NME8: variants seen among roughly 807,000 people sequenced by gnomAD.
NME8 encodes protein NME8.
In NME8, 72 loss-of-function variants were observed where a neutral mutation model predicts 82.3. The observed-to-expected ratio is 0.87, with a 90% CI of 0.72 to 1.06. NME8 has a LOEUF of 1.06. Among genes scored for constraint, NME8 ranks in the 50% least tolerant of loss-of-function variants. The probability of loss-of-function intolerance (pLI) is 0.00; values close to 1 mark genes in which losing one functional copy is unlikely to be tolerated. For synonymous variants in NME8, 267 were observed against 228.5 expected (o/e 1.17, Z -1.52); for missense variants, 712 against 685.4 (o/e 1.04, Z -0.43).
At chr7:37,880,480 G>A (rs1784926953) in intron 12 of NME8, among the ~76,000 whole-genome samples, 1 of 152,138 alleles carries the variant, frequency 6.6e-6, no homozygotes, top group Non-Finnish European at 1.5e-5. Context: ...TATTGCCTTT[G>A]CAACTTTATC....
At chr7:37,853,658 T>C (rs1027061882) in intron 5 of NME8, among the ~76,000 whole-genome samples, 1 of 152,052 alleles carries the variant, frequency 6.6e-6, no homozygotes, top group African/African-American at 2.4e-5. Context: ...GAAAATTATA[T>C]CTCCAAACCT....
Position 37,884,267 on chromosome 7 carries a change from C to G in NME8, c.995-36C>G, listed in dbSNP as rs760106082. 4 of 1,358,658 alleles carry G rather than the reference C, an allele frequency of 2.9e-6. No homozygotes were observed. The African/African-American group carries it at 5.7e-5, about 19-fold the overall frequency. The allele number at this position is 1,358,658 out of a possible 1,614,324, so 84.2% of individuals were successfully genotyped here. On this transcript the variant is annotated intron_variant, in intron 12 of 17. Coordinates refer to ENST00000199447, the MANE Select transcript of NME8 (RefSeq NM_016616.5). ...ATTGTGTACATAACCAGTAATCTAC[C>G]AGTTTAAAACTTATTATGTAACTGT...
intron 15 of NME8, 31 bp from the exon 16 acceptor site, chr7:37,894,435 T>C (rs1785185168): frequency 6.2e-7 from 1 of 1,603,634 alleles, no homozygotes; most frequent in African/African-American, 1.3e-5. Flanking sequence ...TGAAGCAATC[T>C]GCAATATTAT....
chr7:37,893,578 G>A (rs1027055550), intron 15 of NME8, among the ~76,000 whole-genome samples: 5 of 151,964 alleles, frequency 3.3e-5, no homozygotes, highest in African/African-American at 1.2e-4. Context: ...TTGTCCACTT[G>A]GTGATCACAC....
intron 16 of NME8, among the ~76,000 whole-genome samples, chr7:37,895,574 C>T (rs937337565): frequency 5.3e-5 from 8 of 152,058 alleles, no homozygotes; most frequent in Non-Finnish European, 5.9e-5. Context: ...ACATCATTAT[C>T]GATTTACTAT....
At chr7:37,885,294 C>G in intron 14 of NME8, 42 bp downstream of exon 14, 1 of 1,166,924 alleles carries the variant, frequency 8.6e-7, no homozygotes, top group Non-Finnish European at 1.3e-6. Flanking sequence ...TTCGTGGGCT[C>G]CATTTTAAAC....
chr7:37,851,577 C>T (rs766740275), intron 5 of NME8, among the ~76,000 whole-genome samples: 4 of 152,078 alleles, frequency 2.6e-5, no homozygotes, highest in Non-Finnish European at 4.4e-5. Flanking sequence ...AATATGCCAT[C>T]AATAATTTTA....
At chr7:37,877,118 C>A in intron 12 of NME8, 111 bp downstream of exon 12, 1 of 864,820 alleles carries the variant, frequency 1.2e-6, no homozygotes, top group Non-Finnish European at 1.9e-6. Flanking sequence ...TTGAAGAAAA[C>A]GCACCTTAAG....
At chr7:37,885,490 A>G (rs1562839794) in intron 14 of NME8, among the ~76,000 whole-genome samples, 3 of 152,172 alleles carry the variant, frequency 2.0e-5, no homozygotes, top group African/African-American at 7.2e-5. Flanking sequence ...GGGAGCTAAG[A>G]GGTGTATATT....
chr7:37,855,565 G>T (rs957593430), intron 5 of NME8, among the ~76,000 whole-genome samples: 1 of 152,028 alleles, frequency 6.6e-6, no homozygotes, highest in Non-Finnish European at 1.5e-5. Flanking sequence ...AACCTGTTCA[G>T]GTAGACATCT....
chr7:37,870,699 T>C lies in NME8; in HGVS notation c.818+2801T>C, dbSNP rs115097790. The stretch of plus-strand genomic sequence containing the variant: ...GGTTGGACAAGCTTGGTCTATAGGC[T>C]TCTGAACCTCATTGCAGGGTGGGTA... On this transcript the variant is annotated intron_variant, in intron 11 of 17. Transcript: ENST00000199447. Among the ~76,000 whole-genome samples the C allele has an allele frequency of 5.0e-3, 765 of 152,258 alleles. 8 individuals are homozygous for C. Among genetic ancestry groups the C allele is most frequent in the African/African-American group, 0.017 (707 of 41,548 alleles).
intron 12 of NME8, among the ~76,000 whole-genome samples, chr7:37,880,079 T>A (rs1784919231): frequency 8.4e-6 from 1 of 119,040 alleles, no homozygotes; most frequent in African/African-American, 2.9e-5. Flanking sequence ...AGTAGAAAGG[T>A]TTTTTTTGTT....
intron 6 of NME8, among the ~76,000 whole-genome samples, chr7:37,857,764 T>G (rs1456244432): frequency 6.6e-6 from 1 of 152,198 alleles, no homozygotes; most frequent in Non-Finnish European, 1.5e-5. Flanking sequence ...ATCTCTATAT[T>G]TATAAAGAAG....
Position 37,862,015 on chromosome 7 carries a change from A to G in NME8, c.271-13A>G, listed in dbSNP as rs772166327. ...AAATGAAAGTTCCCCTCCTGTTTTC[A>G]TTTCCCTTATAGAATGGCAAAATTA... On this transcript the variant is annotated splice_polypyrimidine_tract_variant and intron_variant, in intron 6 of 17. Transcript: ENST00000199447. The G allele has an allele frequency of 1.9e-6, 3 of 1,571,782 alleles. No homozygotes were observed. The highest frequency in any genetic ancestry group is 1.4e-5 in the African/African-American group (1 of 74,056).
intron 12 of NME8, among the ~76,000 whole-genome samples, chr7:37,880,802 AT>A (rs58256375): frequency 0.47 from 70,877 of 151,490 alleles, 16,969 homozygotes; most frequent in East Asian, 0.73. Flanking sequence ...TAGATCTTTG[AT>A]TTTTTTTCGC....
chr7:37,849,844 C>G (rs1479281685), intron 2 of NME8, among the ~76,000 whole-genome samples: 1 of 139,162 alleles, frequency 7.2e-6, no homozygotes, highest in East Asian at 2.2e-4. Flanking sequence ...GCACTCCAGT[C>G]TGGCAACAGA....
At chr7:37,881,714 G>T (rs1784948503) in intron 12 of NME8, among the ~76,000 whole-genome samples, 1 of 152,064 alleles carries the variant, frequency 6.6e-6, no homozygotes, top group African/African-American at 2.4e-5. Flanking sequence ...AAAATAAATT[G>T]TTTCCAGAGA....
rs121918300 is a variant in NME8, at chr7:37,888,306, T to C, written c.1277T>C (p.Leu426Ser). The stretch of plus-strand genomic sequence containing the variant: ...TGTGCACAGTTTGCGATGGACAGTT[T>C]GCCGGTCAACCAGTTGTATGGCAGC... ...SLCAQFAMDS[L>S]PVNQLYGSDS... Residue 426 changes from leucine to serine, a missense_variant, in exon 15 of 18, where the codon TTG becomes TCG. Transcript: ENST00000199447. The C allele has an allele frequency of 8.7e-6, 14 of 1,613,718 alleles. No homozygotes were observed. Among genetic ancestry groups the C allele is most frequent in the Non-Finnish European group, 1.2e-5 (14 of 1,179,710 alleles).
rs1478422986 is a variant in NME8, at chr7:37,857,508, A to AG, written c.270+165dup. On this transcript the variant is annotated intron_variant, in intron 6 of 17. Transcript: ENST00000199447. ...TTATAAATTTTATAATTTGGCTGCTAGGAGCTTATTATGGATTGAAGGGAT... is the reference window on the plus strand; with the variant it reads ...TTATAAATTTTATAATTTGGCTGCTAGGGAGCTTATTATGGATTGAAGGGAT... Among the ~76,000 whole-genome samples the AG allele has an allele frequency of 2.0e-5, 3 of 152,178 alleles. No homozygotes were observed. In the East Asian group the frequency reaches 5.8e-4, roughly 29 times the overall value.
Sources: gnomAD v4.1 joint callset for allele counts (sites outside exome capture counted in the v4.1 genomes callset) on GRCh38, gnomAD v4.1.1 for gene constraint, MANE v1.5 for transcripts, NCBI Gene and HGNC (gene_info 2026-07-23, HGNC 2026-07-21) for gene names.